The following MRPS23 variants were observed in gnomAD, a reference collection of about 807,000 sequenced individuals.
The protein encoded by MRPS23 is mitochondrial ribosomal protein S23.
In MRPS23, 14 loss-of-function variants were observed where a neutral mutation model predicts 19.8. The observed-to-expected ratio is 0.71, with a 90% CI of 0.47 to 1.11. The LOEUF is 1.11. Ranked by LOEUF, MRPS23 falls within the 50% of genes least tolerant of loss-of-function variation. The probability of loss-of-function intolerance (pLI) is 0.00; values close to 1 mark genes in which losing one functional copy is unlikely to be tolerated. For synonymous variants in MRPS23, 113 were observed against 89.7 expected (o/e 1.26, Z -1.47); for missense variants, 242 against 236.7 (o/e 1.02, Z -0.15).
chr17:57,846,881 C>T (rs1246214136), intron 2 of MRPS23, among the ~76,000 whole-genome samples: 2 of 150,454 alleles, frequency 1.3e-5, no homozygotes, highest in Non-Finnish European at 3.0e-5. Context: ...GCCAAATCCC[C>T]CTCTCCGAGA....
rs999419385 is a variant in MRPS23, at chr17:57,835,930, A to C, written c.*3853T>G. On this transcript the variant is annotated 3_prime_UTR_variant, in exon 5 of 5. Coordinates refer to ENST00000313608, the MANE Select transcript of MRPS23 (RefSeq NM_016070.4). ...AATGTTTCAATGGGTTAAAAGAATA[A>C]GAATTTCTGCCCTCCTTTATACTTT... is the stretch of plus-strand genomic sequence containing the variant. The C allele has an allele frequency of 6.6e-6, 1 of 150,676 alleles. No individual in the cohort carries two copies. The highest frequency in any genetic ancestry group is 1.5e-5 in the Non-Finnish European group (1 of 67,932). 9.3% of individuals were successfully genotyped at this position (150,676 alleles called of 1,614,324 possible).
chr17:57,847,890 T>C (rs543604817), intron 2 of MRPS23, among the ~76,000 whole-genome samples: 4 of 151,670 alleles, frequency 2.6e-5, no homozygotes, highest in Non-Finnish European at 5.9e-5. Flanking sequence ...CAAGACAGGG[T>C]TTCACCATAT....
chr17:57,841,303 C>T, intron 2 of MRPS23, 43 bp from the exon 3 acceptor site: 5 of 1,569,020 alleles, frequency 3.2e-6, no homozygotes, highest in Non-Finnish European at 4.4e-6. Context: ...CGATTATAGA[C>T]TGTGGATGAG....
intron 2 of MRPS23, among the ~76,000 whole-genome samples, chr17:57,843,958 T>C (rs2073756221): frequency 6.6e-6 from 1 of 152,146 alleles, no homozygotes; most frequent in African/African-American, 2.4e-5. Flanking sequence ...ATATTTTCTT[T>C]TTATGGCTTC....
intron 2 of MRPS23, among the ~76,000 whole-genome samples, chr17:57,845,770 C>G (rs527400312): frequency 1.3e-5 from 2 of 152,198 alleles, no homozygotes; most frequent in Non-Finnish European, 2.9e-5. Flanking sequence ...AATTTTCTTT[C>G]GTTTCTCTCT....
rs1597951195 is a variant in MRPS23 at position 57,839,849 on chromosome 17, T to C, written c.507A>G (p.Lys169=). ...QTALEENETQ[K]EVPQDQHLEA... ...CCAAATGCTGGTCCTGTGGAACTTCTTTCTGAGTCTCGTTTTCTTCCAACG... is the reference window on the plus strand; with the variant it reads ...CCAAATGCTGGTCCTGTGGAACTTCCTTCTGAGTCTCGTTTTCTTCCAACG... The change falls in exon 5 of 5, where the codon AAA becomes AAG. Residue 169 remains lysine, a synonymous_variant. Coordinates refer to ENST00000313608, the MANE Select transcript of MRPS23 (RefSeq NM_016070.4). 2 of 1,614,182 alleles carry C rather than the reference T, an allele frequency of 1.2e-6. No homozygotes were observed. Among genetic ancestry groups the C allele is most frequent in the Non-Finnish European group, 8.5e-7 (1 of 1,180,010 alleles).
chr17:57,845,833 G>C (rs982212094), intron 2 of MRPS23, among the ~76,000 whole-genome samples: 1 of 152,178 alleles, frequency 6.6e-6, no homozygotes, highest in African/African-American at 2.4e-5. Context: ...TCATTCAAGA[G>C]ACGATTAATA....
intron 2 of MRPS23, among the ~76,000 whole-genome samples, chr17:57,845,018 C>G (rs963368080): frequency 6.6e-6 from 1 of 152,074 alleles, no homozygotes; most frequent in African/African-American, 2.4e-5. Flanking sequence ...CCACCTCAGC[C>G]TCCAGACTAG....
chr17:57,845,701 T>C (rs1246589777), intron 2 of MRPS23, among the ~76,000 whole-genome samples: 1 of 152,176 alleles, frequency 6.6e-6, no homozygotes, highest in Non-Finnish European at 1.5e-5. Flanking sequence ...ACTAATAAAA[T>C]TCTGATGGCC....
chr17:57,846,804 G>A (rs755443803), intron 2 of MRPS23, among the ~76,000 whole-genome samples: 1 of 151,842 alleles, frequency 6.6e-6, no homozygotes, highest in Non-Finnish European at 1.5e-5. Context: ...CTCTGCCTAG[G>A]AAAACCAGAC....
chr17:57,842,879 AATATAT>A (rs1163576750), intron 2 of MRPS23, among the ~76,000 whole-genome samples: 15 of 99,442 alleles, frequency 1.5e-4, no homozygotes, highest in African/African-American at 5.2e-4. Flanking sequence ...AAAAAAAAAA[AATATAT>A]ATATATACAC....
In MRPS23 at chr17:57,846,880, C is replaced by T. The variant is rs897549908; in HGVS notation, c.215+2360G>A. Among the ~76,000 whole-genome samples, 98 of 150,832 alleles carry T rather than the reference C, an allele frequency of 6.5e-4. 1 individual carries two copies. Among genetic ancestry groups the T allele is most frequent in the Admixed American group, 5.8e-3 (88 of 15,112 alleles). The stretch of plus-strand genomic sequence containing the variant: ...ATTGTCCTATGACCCTGCCAAATCC[C>T]CCTCTCCGAGAAACACCCAAGAATG... On this transcript the variant is annotated intron_variant, in intron 2 of 4. Coordinates refer to ENST00000313608, the MANE Select transcript of MRPS23 (RefSeq NM_016070.4).
At chr17:57,844,326 C>T (rs1436364402) in intron 2 of MRPS23, among the ~76,000 whole-genome samples, 1 of 144,580 alleles carries the variant, frequency 6.9e-6, no homozygotes, top group East Asian at 2.0e-4. Context: ...ATCAAAACCA[C>T]CAAAAAAAAA....
At position 57,837,406 on chromosome 17, in the gene MRPS23, T is replaced by C. The variant is rs558067490; in HGVS notation, c.*2377A>G. On this transcript the variant is annotated 3_prime_UTR_variant, in exon 5 of 5. Coordinates refer to ENST00000313608, the MANE Select transcript of MRPS23 (RefSeq NM_016070.4). Reference sequence around the variant, plus strand: ...GCAACACAGTAAAACAAAGAACATTTTCTTCAATCGGGCACTGATTAAATC... The same window carrying C: ...GCAACACAGTAAAACAAAGAACATTCTCTTCAATCGGGCACTGATTAAATC... The C allele has an allele frequency of 3.9e-5, 6 of 152,340 alleles. No individual in the cohort carries two copies. Among genetic ancestry groups the C allele is most frequent in the Admixed American group, 6.5e-5 (1 of 15,302 alleles). The allele number at this position is 152,340 out of a possible 1,614,324, so 9.4% of individuals were successfully genotyped here. A position where few individuals can be genotyped will look rare whatever the true frequency, so the allele number is the denominator to read the frequency against.
Position 57,840,960 on chromosome 17 carries a change from C to A in MRPS23, c.386G>T (p.Gly129Val), listed in dbSNP as rs777359895. 1.9e-6 allele frequency: 3 copies of A among 1,614,170 alleles called. No homozygotes were observed. In the Admixed American group the frequency reaches 5.0e-5, roughly 27 times the overall value. The change falls in exon 4 of 5, where the codon GGT (glycine) becomes GTT (valine). Residue 129 changes from glycine to valine, a missense_variant. Physicochemically the swap from Gly to Val is moderately radical, Grantham distance 109. Coordinates refer to ENST00000313608, the MANE Select transcript of MRPS23 (RefSeq NM_016070.4). The part of the protein sequence containing the change: ...VETGKALLAE[G>V]VILRRVGEAR... ...TTCGCCTACTCGTCTTAAAATGACA[C>A]CTTCTGCCAATAAAGCCTTCCCTGT...
chr17:57,845,346 G>C (rs1021360158), intron 2 of MRPS23, among the ~76,000 whole-genome samples: 11 of 152,200 alleles, frequency 7.2e-5, no homozygotes, highest in African/African-American at 2.7e-4. Context: ...CTTTAAATGA[G>C]TGTTGGTGTT....
intron 3 of MRPS23, 37 bp downstream of exon 3, chr17:57,841,146 A>G: frequency 1.9e-6 from 3 of 1,609,564 alleles, no homozygotes; most frequent in Non-Finnish European, 2.5e-6. Flanking sequence ...TCCTTAAAAA[A>G]TAATATGAAT....
At chr17:57,846,260 G>C (rs961918726) in intron 2 of MRPS23, among the ~76,000 whole-genome samples, 5 of 112,532 alleles carry the variant, frequency 4.4e-5, no homozygotes, top group Non-Finnish European at 9.4e-5. Flanking sequence ...GTGGGGGGTA[G>C]CCACCGCCCG....
chr17:57,848,811 T>C (rs2073792968), intron 2 of MRPS23: 1 of 137,372 alleles, frequency 7.3e-6, no homozygotes, highest in Admixed American at 7.3e-5. Flanking sequence ...GAGTCAGAGA[T>C]GTGATTCCCA....
Sources: gnomAD v4.1 joint callset for allele counts (sites outside exome capture counted in the v4.1 genomes callset) on GRCh38, gnomAD v4.1.1 for gene constraint, MANE v1.5 for transcripts, NCBI Gene and HGNC (gene_info 2026-07-23, HGNC 2026-07-21) for gene names.